TENM1: variants seen among roughly 807,000 people sequenced by gnomAD.
TENM1 encodes the protein teneurin transmembrane protein 1.
In TENM1, 35 loss-of-function variants were observed where a neutral mutation model predicts 174.8. The ratio of observed to expected loss-of-function variants is 0.20; its 90% CI spans 0.15 to 0.27. TENM1 has a LOEUF of 0.27. Ranked by LOEUF, TENM1 falls within the 10% of genes least tolerant of loss-of-function variation. TENM1 has a pLI of 1.00. For synonymous variants in TENM1, 781 were observed against 798.7 expected, an observed-to-expected ratio of 0.98 and a Z score of 0.37; for missense variants, 1,633 against 2,130.1, an observed-to-expected ratio of 0.77 and a Z score of 4.59.
At chrX:125,114,556 A>G in the TENM1 span, among the ~76,000 whole-genome samples, 1 of 111,320 alleles carries the variant, frequency 9.0e-6, no homozygotes, top group African/African-American at 3.3e-5. Flanking sequence ...CAAAGGGGAT[A>G]TCACCACTGA....
chrX:124,549,320 G>C (rs1184453001), intron 14 of TENM1, among the ~76,000 whole-genome samples: 1 of 111,748 alleles, frequency 8.9e-6, no homozygotes, highest in Non-Finnish European at 1.9e-5. Context: ...TTTCAAATGG[G>C]CAGTCACTTT....
At chrX:124,733,659 C>T (rs1198217121) in intron 4 of TENM1, among the ~76,000 whole-genome samples, 3 of 111,910 alleles carry the variant, frequency 2.7e-5, no homozygotes, top group Non-Finnish European at 5.6e-5. Context: ...GAGCTAATAA[C>T]GTTTCTGGCT....
At chrX:124,812,649 C>T (rs2055809192) in intron 3 of TENM1, among the ~76,000 whole-genome samples, 1 of 111,100 alleles carries the variant, frequency 9.0e-6, no homozygotes, top group Admixed American at 9.6e-5. Context: ...TCTATTTTTA[C>T]CTTTATATGA....
At chrX:125,151,053 T>C in the TENM1 span, among the ~76,000 whole-genome samples, 2 of 112,216 alleles carry the variant, frequency 1.8e-5, no homozygotes, top group African/African-American at 6.5e-5. Context: ...GTCTGTATAA[T>C]ATTCCTGTGA....
the TENM1 span, among the ~76,000 whole-genome samples, chrX:125,181,499 C>T: frequency 2.7e-5 from 3 of 112,033 alleles, no homozygotes; most frequent in South Asian, 3.8e-4. Flanking sequence ...CTACTTAATA[C>T]CCAACACCTA....
At chrX:124,420,760 A>G (rs763074222) in exon 25 of TENM1, 3 of 1,209,437 alleles carry the variant, frequency 2.5e-6, no homozygotes, top group African/African-American at 3.5e-5. Flanking sequence ...GGGTTCCATC[A>G]GGCGACACTG....
the TENM1 span, among the ~76,000 whole-genome samples, chrX:125,184,363 C>CA: frequency 0.075 from 8,382 of 111,523 alleles, 774 homozygotes; most frequent in African/African-American, 0.26. Context: ...ACATTATATG[C>CA]AAAATCTCGA....
At chrX:124,829,678 G>A (rs900405146) in intron 3 of TENM1, among the ~76,000 whole-genome samples, 4 of 111,873 alleles carry the variant, frequency 3.6e-5, no homozygotes, top group African/African-American at 9.8e-5. Flanking sequence ...AGGGACCAAG[G>A]CAACAAAAGG....
chrX:124,822,776 C>T (rs183564792), intron 3 of TENM1, among the ~76,000 whole-genome samples: 1 of 111,866 alleles, frequency 8.9e-6, no homozygotes, highest in African/African-American at 3.2e-5. Flanking sequence ...TGCTGTTTGT[C>T]TATAATCCAG....
chrX:124,573,217 C>T (rs1221836550), intron 11 of TENM1, among the ~76,000 whole-genome samples: 1 of 111,345 alleles, frequency 9.0e-6, no homozygotes, highest in Non-Finnish European at 1.9e-5. Flanking sequence ...ACTTTAGAAA[C>T]ATAATGATGA....
At chrX:124,840,833 A>G (rs1391428060) in intron 3 of TENM1, among the ~76,000 whole-genome samples, 1 of 111,886 alleles carries the variant, frequency 8.9e-6, no homozygotes, top group African/African-American at 3.2e-5. Context: ...GCTTAAAAAT[A>G]CCCACATATA....
chrX:124,672,452 A>C (rs1807182357), intron 5 of TENM1, among the ~76,000 whole-genome samples: 3 of 111,545 alleles, frequency 2.7e-5, no homozygotes, highest in Admixed American at 1.9e-4. Flanking sequence ...AGTGTTGGTC[A>C]CTGTGCAGGA....
At chrX:124,464,691 A>G (rs1037223118) in intron 22 of TENM1, among the ~76,000 whole-genome samples, 2 of 112,196 alleles carry the variant, frequency 1.8e-5, no homozygotes, top group Non-Finnish European at 3.8e-5. Context: ...ATATATGAAT[A>G]TAACAACAGC....
At chrX:124,580,491 T>C (rs1249006433) in intron 11 of TENM1, among the ~76,000 whole-genome samples, 2 of 109,745 alleles carry the variant, frequency 1.8e-5, no homozygotes, top group Non-Finnish European at 3.8e-5. Flanking sequence ...TATATGTCTA[T>C]ATACACATGT....
intron 18 of TENM1, among the ~76,000 whole-genome samples, chrX:124,520,194 C>G (rs892320644): frequency 9.0e-5 from 10 of 111,596 alleles, no homozygotes; most frequent in African/African-American, 3.3e-4. Flanking sequence ...ATGTCAAATC[C>G]AAAAACATGG....
chrX:124,808,293 T>C (rs966155042), intron 3 of TENM1, among the ~76,000 whole-genome samples: 1 of 112,098 alleles, frequency 8.9e-6, no homozygotes, highest in Admixed American at 9.5e-5. Context: ...CAGTTGTACA[T>C]GTATGTGTAC....
intron 11 of TENM1, among the ~76,000 whole-genome samples, chrX:124,640,669 C>T (rs956416126): frequency 2.7e-5 from 3 of 111,639 alleles, no homozygotes; most frequent in Non-Finnish European, 3.8e-5. Flanking sequence ...GGTAAGATTT[C>T]AGGGGATCCT....
the TENM1 span, among the ~76,000 whole-genome samples, chrX:124,980,037 A>C: frequency 9.0e-6 from 1 of 111,697 alleles, no homozygotes; most frequent in Non-Finnish European, 1.9e-5. Context: ...TCACATGCTA[A>C]AGTTTTATGG....
chrX:124,954,247 G>A (rs2058536892), intron 1 of TENM1, among the ~76,000 whole-genome samples: 1 of 111,066 alleles, frequency 9.0e-6, no homozygotes, highest in Non-Finnish European at 1.9e-5. Flanking sequence ...CACTGACTGT[G>A]GTTACCTATA....
Sources: allele counts gnomAD v4.1 joint callset (sites outside exome capture counted in the v4.1 genomes callset), GRCh38; gene constraint gnomAD v4.1.1; transcripts MANE v1.5; gene names NCBI Gene and HGNC (gene_info 2026-07-23, HGNC 2026-07-21).